EIF3C: variants seen among roughly 807,000 people sequenced by gnomAD.
EIF3C encodes cell migration-inducing protein 17.
A neutral mutation model predicts 11.1 loss-of-function variants in EIF3C; 2 were observed. That is an observed-to-expected ratio of 0.18 (90% CI 0.07 to 0.57). The LOEUF (loss-of-function observed/expected upper bound fraction) is 0.57, where lower values mean the gene tolerates loss of function less well. Ranked by LOEUF, EIF3C falls within the 20% of genes least tolerant of loss-of-function variation. The pLI, the probability that EIF3C is intolerant of heterozygous loss-of-function variation, is 0.92. For synonymous variants in EIF3C, 2 were observed against 41.5 expected (o/e 0.05, Z 3.66); for missense variants, 16 against 114.6 (o/e 0.14, Z 3.93).
chr16:28,699,494 G>C lies in EIF3C; in HGVS notation c.-31+10666G>C, dbSNP rs1218279236. On this transcript the variant is annotated intron_variant, in intron 1 of 20. Transcript: ENST00000566501. ...ACGGAGACGGAGACGGAGAGGGAGAGGGAGAGGGAGAGGGAGAGGGAGAGG... is the reference window on the plus strand; with the variant it reads ...ACGGAGACGGAGACGGAGAGGGAGACGGAGAGGGAGAGGGAGAGGGAGAGG... 1.9e-3 allele frequency among the ~76,000 whole-genome samples: 194 copies of C among 102,972 alleles called. 10 individuals are homozygous for C. Among genetic ancestry groups the C allele is most frequent in the South Asian group, 4.2e-3 (7 of 1,658 alleles). The allele number at this position is 102,972 out of a possible 152,430, so 67.6% of individuals were successfully genotyped here.
intron 1 of EIF3C, among the ~76,000 whole-genome samples, chr16:28,697,240 G>T (rs1326192919): frequency 4.9e-5 from 1 of 20,308 alleles, no homozygotes; most frequent in Non-Finnish European, 8.0e-5. Context: ...CTCACAGAGG[G>T]GGATTTGGCA....
intron 15 of EIF3C, among the ~76,000 whole-genome samples, chr16:28,729,884 C>G (rs1412535785): frequency 6.6e-6 from 1 of 150,448 alleles, no homozygotes; most frequent in Non-Finnish European, 1.5e-5. Flanking sequence ...TGCTTGAGCT[C>G]AGGAGGTCGA....
At position 28,729,893 on chromosome 16, in the gene EIF3C, G is replaced by A. The variant is rs1256705942; in HGVS notation, c.1819-1936G>A. On this transcript the variant is annotated intron_variant, in intron 15 of 20. Coordinates refer to ENST00000331666, the MANE Select transcript of EIF3C (RefSeq NM_003752.5). ...GAGGATTGCTTGAGCTCAGGAGGTC[G>A]AGGCTGCAGGAGCCACGATCACGCC... is the stretch of plus-strand genomic sequence containing the variant. Among the ~76,000 whole-genome samples the A allele has an allele frequency of 7.3e-5, 11 of 150,588 alleles. No homozygotes were observed. The South Asian group carries it at 1.3e-3, about 17-fold the overall frequency.
chr16:28,698,799 C>G (rs2048262466), intron 1 of EIF3C, among the ~76,000 whole-genome samples: 1 of 16,314 alleles, frequency 6.1e-5, no homozygotes, highest in Non-Finnish European at 9.7e-5. Context: ...CAGACGGGGT[C>G]TCGGCCGGGC....
chr16:28,699,482 CGGAGAGGGAGAGGGAGAG>C lies in EIF3C; in HGVS notation c.-31+10675_-31+10692del, dbSNP rs56382957. ...AGGGAGACGGAGACGGAGACGGAGA[CGGAGAGGGAGAGGGAGAG>C]GGAGAGGGAGAGGGAGAGGGCATGA... On this transcript the variant is annotated intron_variant, in intron 1 of 20. Transcript: ENST00000566501. Among the ~76,000 whole-genome samples the C allele has an allele frequency of 3.3e-4, 28 of 84,792 alleles. 3 individuals carry two copies. The highest frequency in any genetic ancestry group is 1.2e-3 in the African/African-American group (18 of 14,870). 55.6% of individuals were successfully genotyped at this position (84,792 alleles called of 152,430 possible).
At position 28,697,691 on chromosome 16, in the gene EIF3C, A is replaced by G. The variant is rs1367526691; in HGVS notation, c.-31+8863A>G. On this transcript the variant is annotated intron_variant, in intron 1 of 20. Transcript: ENST00000566501. ...GCCATTGTCATCCTGGCCCGTTCTC[A>G]ATGAGCTGTTGGGCACACCTCCCAG... Among the ~76,000 whole-genome samples, 63 of 85,902 alleles carry G rather than the reference A, an allele frequency of 7.3e-4. 9 individuals carry two copies. The highest frequency in any genetic ancestry group is 5.7e-3 in the African/African-American group (61 of 10,654). The allele number at this position is 85,902 out of a possible 152,430, so 56.4% of individuals were successfully genotyped here.
intron 13 of EIF3C, among the ~76,000 whole-genome samples, chr16:28,725,765 C>CAA (rs1166823476): frequency 1.1e-3 from 23 of 20,988 alleles, no homozygotes; most frequent in South Asian, 4.3e-3. Flanking sequence ...GACTCCATCT[C>CAA]AAAAAAAAAA....
At position 28,697,180 on chromosome 16, in the gene EIF3C, G is replaced by A. The variant is rs1421053977; in HGVS notation, c.-31+8352G>A. The stretch of plus-strand genomic sequence containing the variant: ...CATTCCTAAAGTGCAAACTTTATTT[G>A]AGTTTTTTTTTTTTTAATTTATTTT... On this transcript the variant is annotated intron_variant, in intron 1 of 20. Coordinates refer to the EIF3C transcript ENST00000566501. Among the ~76,000 whole-genome samples, 11 of 24,208 alleles carry A rather than the reference G, an allele frequency of 4.5e-4. 5 individuals carry two copies. The highest frequency in any genetic ancestry group is 7.6e-4 in the Non-Finnish European group (11 of 14,532). 15.9% of individuals were successfully genotyped at this position (24,208 alleles called of 152,430 possible).
chr16:28,723,335 A>G lies in EIF3C; in HGVS notation c.936+12A>G. 6.2e-7 allele frequency: 1 copy of G among 1,613,844 alleles called. No individual in the cohort carries two copies. Among genetic ancestry groups the G allele is most frequent in the Non-Finnish European group, 8.5e-7 (1 of 1,179,766 alleles). Reference sequence around the variant, plus strand: ...TGCCGTTGGTTAAGGTGAGGGTTTCAGAGGTAAAATGAATTGGGGAACAGT... The same window carrying G: ...TGCCGTTGGTTAAGGTGAGGGTTTCGGAGGTAAAATGAATTGGGGAACAGT... On this transcript the variant is annotated intron_variant, in intron 9 of 20. Coordinates refer to ENST00000331666, the MANE Select transcript of EIF3C (RefSeq NM_003752.5).
chr16:28,697,832 A>C (rs2048247621), intron 1 of EIF3C, among the ~76,000 whole-genome samples: 2 of 81,114 alleles, frequency 2.5e-5, no homozygotes, highest in African/African-American at 7.7e-5. Context: ...GACCCCCCCC[A>C]CCTCCCTCCC....
At chr16:28,696,964 C>CTT (rs574170044) in intron 1 of EIF3C, among the ~76,000 whole-genome samples, 32 of 41,252 alleles carry the variant, frequency 7.8e-4, no homozygotes, top group African/African-American at 6.0e-3. Flanking sequence ...ACACTACTAT[C>CTT]TTTTTTTTTT....
chr16:28,709,994 CT>C (rs1276889028), upstream of EIF3C, among the ~76,000 whole-genome samples: 16,066 of 23,442 alleles, frequency 0.69, 4,963 homozygotes, highest in Admixed American at 0.75. Context: ...TTTTTTTTAA[CT>C]TTTTTTTTTT....
rs1245532094 is a variant in EIF3C at position 28,698,214 on chromosome 16, G to A, written c.-31+9386G>A. ...CCAGTAGGGGCGGCCGGGCAGAGGC[G>A]CCCCTCACCTCCCGGACGGGGCGGC... On this transcript the variant is annotated intron_variant, in intron 1 of 20. Transcript: ENST00000566501. 3.7e-3 allele frequency among the ~76,000 whole-genome samples: 434 copies of A among 117,388 alleles called. 4 individuals are homozygous for A. Among genetic ancestry groups the A allele is most frequent in the Non-Finnish European group, 5.6e-3 (308 of 55,122 alleles). The allele number at this position is 117,388 out of a possible 152,430, so 77.0% of individuals were successfully genotyped here.
rs1431000001 is a variant in EIF3C, at chr16:28,698,550, C to T, written c.-31+9722C>T. Among the ~76,000 whole-genome samples, 5 of 96,070 alleles carry T rather than the reference C, an allele frequency of 5.2e-5. 1 individual carries two copies. Among genetic ancestry groups the T allele is most frequent in the African/African-American group, 1.6e-4 (2 of 12,240 alleles). 63.0% of individuals were successfully genotyped at this position (96,070 alleles called of 152,430 possible). Reference sequence around the variant, plus strand: ...GGGGGCTGACCCCCCCCACCTCCCTCCCGGACGGGGTGGCTGCCGGGCGGA... The same window carrying T: ...GGGGGCTGACCCCCCCCACCTCCCTTCCGGACGGGGTGGCTGCCGGGCGGA... On this transcript the variant is annotated intron_variant, in intron 1 of 20. Transcript: ENST00000566501.
chr16:28,728,500 TGTGTGTGTGTATCTTTTAGGG>T (rs756667618), intron 15 of EIF3C, among the ~76,000 whole-genome samples: 1,757 of 69,062 alleles, frequency 0.025, 58 homozygotes, highest in Non-Finnish European at 0.047. Context: ...TTAGGGGGTG[TGTGTGTGTGTATCTTTTAGGG>T]GTGTGTGTGT....
At chr16:28,699,846 T>C (rs1265229564) in intron 1 of EIF3C, among the ~76,000 whole-genome samples, 1 of 92,372 alleles carries the variant, frequency 1.1e-5, no homozygotes, top group African/African-American at 4.7e-5. Flanking sequence ...ATCCAGCCTC[T>C]TTTTTTTTTC....
chr16:28,728,577 C>T (rs989045716), intron 15 of EIF3C, among the ~76,000 whole-genome samples: 3 of 108,966 alleles, frequency 2.8e-5, no homozygotes, highest in East Asian at 2.3e-4. Context: ...CTCTGTTGCC[C>T]AGGCTGGAGT....
At chr16:28,699,781 T>G (rs1331304858) in intron 1 of EIF3C, among the ~76,000 whole-genome samples, 8 of 91,896 alleles carry the variant, frequency 8.7e-5, no homozygotes, top group African/African-American at 3.8e-4. Context: ...TGACCTCAAG[T>G]GATCCACCCT....
intron 1 of EIF3C, among the ~76,000 whole-genome samples, chr16:28,697,980 G>C (rs2048249906): frequency 1.5e-5 from 1 of 66,650 alleles, no homozygotes. Context: ...GGGCGGGGCG[G>C]CTGGCCGGGC....
Sources: allele counts gnomAD v4.1 joint callset (sites outside exome capture counted in the v4.1 genomes callset), GRCh38; gene constraint gnomAD v4.1.1; transcripts MANE v1.5; gene names NCBI Gene and HGNC (gene_info 2026-07-23, HGNC 2026-07-21).